The following PTPRK variants were observed in gnomAD, a reference collection of about 807,000 sequenced individuals.
PTPRK encodes the protein protein tyrosine phosphatase receptor type K.
PTPRK carries 75 observed loss-of-function variants against 178.0 expected under a neutral mutation model. The ratio of observed to expected loss-of-function variants is 0.42; its 90% CI spans 0.35 to 0.51. PTPRK has a LOEUF of 0.51. Ranked by LOEUF, PTPRK falls within the 20% of genes least tolerant of loss-of-function variation. The probability of loss-of-function intolerance (pLI) is 0.02; values close to 1 mark genes in which losing one functional copy is unlikely to be tolerated. For missense variants in PTPRK, 1,441 were observed against 1,797.8 expected, an observed-to-expected ratio of 0.80 and a Z score of 3.59; for synonymous variants, 637 against 620.6, an observed-to-expected ratio of 1.03 and a Z score of -0.39.
chr6:127,978,943 G>A (rs1356535477), intron 25 of PTPRK, among the ~76,000 whole-genome samples: 2 of 152,066 alleles, frequency 1.3e-5, no homozygotes, highest in Admixed American at 6.6e-5. Flanking sequence ...CTTCTCCAAC[G>A]GTTCATTTGC....
chr6:128,068,631 ACTCTGAAG>A (rs1403831748), intron 11 of PTPRK, among the ~76,000 whole-genome samples: 1 of 151,950 alleles, frequency 6.6e-6, no homozygotes, highest in Non-Finnish European at 1.5e-5. Flanking sequence ...TTTTTTAACA[ACTCTGAAG>A]CTGGTATATT....
chr6:128,167,773 G>A (rs1400178718), intron 7 of PTPRK, among the ~76,000 whole-genome samples: 1 of 151,958 alleles, frequency 6.6e-6, no homozygotes. Flanking sequence ...GTATTTATTA[G>A]TAACAGTTCT....
intron 7 of PTPRK, among the ~76,000 whole-genome samples, chr6:128,149,382 T>C (rs554509382): frequency 1.9e-4 from 29 of 152,160 alleles, no homozygotes; most frequent in African/African-American, 7.0e-4. Context: ...ACAGAATAAA[T>C]ATATTAAACC....
chr6:128,303,556 T>C (rs1426640901), intron 3 of PTPRK, among the ~76,000 whole-genome samples: 1 of 152,208 alleles, frequency 6.6e-6, no homozygotes, highest in Non-Finnish European at 1.5e-5. Flanking sequence ...TGATTTCATA[T>C]GGGTTGATGC....
At chr6:128,027,536 T>C (rs1218360048) in intron 13 of PTPRK, among the ~76,000 whole-genome samples, 1 of 152,090 alleles carries the variant, frequency 6.6e-6, no homozygotes, top group Non-Finnish European at 1.5e-5. Context: ...GCTTTCTAAA[T>C]GCCAAACTCT....
intron 2 of PTPRK, among the ~76,000 whole-genome samples, chr6:128,367,062 T>A (rs1835602718): frequency 6.6e-6 from 1 of 152,272 alleles, no homozygotes; most frequent in African/African-American, 2.4e-5. Flanking sequence ...CCTACTATAT[T>A]ATAGTACCTT....
chr6:128,075,333 T>C (rs1301168225), intron 11 of PTPRK, among the ~76,000 whole-genome samples: 1 of 151,082 alleles, frequency 6.6e-6, no homozygotes, highest in Non-Finnish European at 1.5e-5. Flanking sequence ...TGTGCCCACC[T>C]TCAGTTGTGG....
chr6:128,407,843 G>C (rs1221043871), intron 1 of PTPRK, among the ~76,000 whole-genome samples: 1 of 151,876 alleles, frequency 6.6e-6, no homozygotes, highest in African/African-American at 2.4e-5. Context: ...TAAAAACCAA[G>C]AAGTTTTTAA....
chr6:128,477,233 T>C (rs529870025), intron 1 of PTPRK, among the ~76,000 whole-genome samples: 2 of 152,218 alleles, frequency 1.3e-5, no homozygotes, highest in South Asian at 4.1e-4. Flanking sequence ...AGATGTATTA[T>C]AGCTAGGCAA....
chr6:128,317,509 T>C (rs1193658016), intron 3 of PTPRK, among the ~76,000 whole-genome samples: 1 of 152,176 alleles, frequency 6.6e-6, no homozygotes, highest in Non-Finnish European at 1.5e-5. Context: ...GTGTCTCATA[T>C]GTGCCATCCA....
At chr6:128,025,431 T>C (rs1489764828) in intron 13 of PTPRK, among the ~76,000 whole-genome samples, 1 of 152,204 alleles carries the variant, frequency 6.6e-6, no homozygotes, top group Non-Finnish European at 1.5e-5. Flanking sequence ...TGAAAATCAA[T>C]AGTTTGTAGA....
intron 2 of PTPRK, among the ~76,000 whole-genome samples, chr6:128,370,503 A>G (rs1836122928): frequency 6.6e-6 from 1 of 152,098 alleles, no homozygotes; most frequent in Non-Finnish European, 1.5e-5. Flanking sequence ...TTATTCATGA[A>G]GCAGTGCCTT....
chr6:128,253,693 T>A (rs1248057033), intron 3 of PTPRK, among the ~76,000 whole-genome samples: 1 of 152,226 alleles, frequency 6.6e-6, no homozygotes, highest in Non-Finnish European at 1.5e-5. Context: ...TGAAAAATAA[T>A]GCTTTCAAAC....
chr6:128,408,665 T>C (rs1841973421), intron 1 of PTPRK, among the ~76,000 whole-genome samples: 1 of 152,180 alleles, frequency 6.6e-6, no homozygotes. Context: ...ACATAAATTG[T>C]TGGCATATGT....
At chr6:128,344,898 G>A (rs1395860944) in intron 2 of PTPRK, among the ~76,000 whole-genome samples, 1 of 152,052 alleles carries the variant, frequency 6.6e-6, no homozygotes, top group Non-Finnish European at 1.5e-5. Flanking sequence ...AAAATGGTGG[G>A]AAATTTTTTA....
At chr6:128,061,375 G>A (rs761559517) in intron 13 of PTPRK, among the ~76,000 whole-genome samples, 1 of 152,148 alleles carries the variant, frequency 6.6e-6, no homozygotes, top group African/African-American at 2.4e-5. Context: ...CAGAAAATTT[G>A]TGTGGTAAAA....
At chr6:128,018,237 T>A (rs1388870652) in intron 13 of PTPRK, among the ~76,000 whole-genome samples, 1 of 152,074 alleles carries the variant, frequency 6.6e-6, no homozygotes, top group East Asian at 1.9e-4. Flanking sequence ...GCCCAATGAA[T>A]AGGTAACATA....
chr6:128,197,986 T>C (rs1805213645), intron 6 of PTPRK, among the ~76,000 whole-genome samples: 1 of 152,076 alleles, frequency 6.6e-6, no homozygotes, highest in African/African-American at 2.4e-5. Flanking sequence ...AGTGGCATTA[T>C]CCCAATTCAA....
At chr6:127,987,505 T>C (rs535094358) in intron 21 of PTPRK, among the ~76,000 whole-genome samples, 3 of 152,126 alleles carry the variant, frequency 2.0e-5, no homozygotes, top group Non-Finnish European at 4.4e-5. Flanking sequence ...TATTTAGTAA[T>C]ATTTTCTTAC....
Sources: allele counts gnomAD v4.1 joint callset (sites outside exome capture counted in the v4.1 genomes callset), GRCh38; gene constraint gnomAD v4.1.1; transcripts MANE v1.5; gene names NCBI Gene and HGNC (gene_info 2026-07-23, HGNC 2026-07-21).